The following EBF2 variants were observed in gnomAD, a reference collection of about 807,000 sequenced individuals.
EBF2 encodes transcription factor COE2.
In EBF2, 21 loss-of-function variants were observed where a neutral mutation model predicts 72.8. The observed-to-expected ratio is 0.29, with a 90% CI of 0.20 to 0.42. EBF2 has a LOEUF of 0.42. Among genes scored for constraint, EBF2 ranks in the 10% least tolerant of loss-of-function variants. The pLI is 1.00. For synonymous variants in EBF2, 299 were observed against 274.2 expected, an observed-to-expected ratio of 1.09 and a Z score of -0.89; for missense variants, 637 against 731.2, an observed-to-expected ratio of 0.87 and a Z score of 1.49.
chr8:25,934,841 G>A (rs1803547900), intron 6 of EBF2, among the ~76,000 whole-genome samples: 2 of 152,226 alleles, frequency 1.3e-5, no homozygotes, highest in African/African-American at 4.8e-5. Context: ...ATCCTACGGC[G>A]CCATTGCCAA....
At chr8:25,999,695 A>C (rs1804691979) in intron 6 of EBF2, among the ~76,000 whole-genome samples, 1 of 144,298 alleles carries the variant, frequency 6.9e-6, no homozygotes, top group Non-Finnish European at 1.5e-5. Flanking sequence ...ATATCCACAC[A>C]CGCCCTCTCC....
chr8:25,959,941 G>T (rs17054690), intron 6 of EBF2, among the ~76,000 whole-genome samples: 28,930 of 152,112 alleles, frequency 0.19, 3,848 homozygotes, highest in East Asian at 0.76. Flanking sequence ...CAGCTCAGGG[G>T]CATATCCAAG....
intron 6 of EBF2, among the ~76,000 whole-genome samples, chr8:25,966,437 ACC>A (rs1457599474): frequency 6.6e-6 from 1 of 152,204 alleles, no homozygotes; most frequent in Non-Finnish European, 1.5e-5. Flanking sequence ...TCCGGACTCT[ACC>A]CTCATCCACA....
At position 25,861,447 on chromosome 8, in the gene EBF2, A is replaced by G; in HGVS notation, c.1099-73T>C. ...TGGCAAACAAAAGAAAATTATAGGC[A>G]AAAATGAGAAATCCACACATCCCTC... On this transcript the variant is annotated intron_variant, in intron 11 of 15. Coordinates refer to ENST00000520164, the MANE Select transcript of EBF2 (RefSeq NM_022659.4). 5 of 1,551,604 alleles carry G rather than the reference A, an allele frequency of 3.2e-6. No homozygotes were observed. The South Asian group carries it at 5.7e-5, about 18-fold the overall frequency.
At chr8:26,010,840 C>T (rs1804969575) in intron 6 of EBF2, among the ~76,000 whole-genome samples, 1 of 152,118 alleles carries the variant, frequency 6.6e-6, no homozygotes, top group Non-Finnish European at 1.5e-5. Flanking sequence ...CCTTCATCAC[C>T]GAGCGTTCCA....
At chr8:25,993,044 C>T (rs547859601) in intron 6 of EBF2, among the ~76,000 whole-genome samples, 1 of 152,180 alleles carries the variant, frequency 6.6e-6, no homozygotes, top group Admixed American at 6.5e-5. Flanking sequence ...CCTTCAGTGA[C>T]ATAATAATTC....
At chr8:26,005,752 G>A (rs1804869686) in intron 6 of EBF2, among the ~76,000 whole-genome samples, 1 of 147,734 alleles carries the variant, frequency 6.8e-6, no homozygotes, top group Non-Finnish European at 1.5e-5. Context: ...GATCACTTGA[G>A]CCTGGGAGGT....
intron 6 of EBF2, among the ~76,000 whole-genome samples, chr8:25,918,677 C>T (rs548815021): frequency 6.6e-6 from 1 of 151,868 alleles, no homozygotes; most frequent in Admixed American, 6.6e-5. Context: ...TGTTTGATGT[C>T]GCATACAAAC....
intron 6 of EBF2, among the ~76,000 whole-genome samples, chr8:25,935,965 G>T (rs1176852406): frequency 6.6e-6 from 1 of 152,226 alleles, no homozygotes; most frequent in Non-Finnish European, 1.5e-5. Context: ...AGTCCGCTCG[G>T]CTGTGGAAGG....
chr8:25,997,047 A>C (rs925291407), intron 6 of EBF2, among the ~76,000 whole-genome samples: 7 of 152,178 alleles, frequency 4.6e-5, no homozygotes, highest in African/African-American at 1.4e-4. Context: ...TATGAGCAAA[A>C]AAACAAAAAG....
intron 11 of EBF2, among the ~76,000 whole-genome samples, chr8:25,862,263 A>G (rs144645687): frequency 6.6e-6 from 1 of 150,754 alleles, no homozygotes; most frequent in Non-Finnish European, 1.5e-5. Flanking sequence ...AAAGTGATGT[A>G]TTTCATAGAA....
At chr8:25,918,712 A>G (rs117706770) in intron 6 of EBF2, among the ~76,000 whole-genome samples, 1 of 152,232 alleles carries the variant, frequency 6.6e-6, no homozygotes, top group Admixed American at 6.5e-5. Flanking sequence ...AAGATACAGA[A>G]GTCAGTATTG....
At chr8:25,969,849 C>A (rs1286587332) in intron 6 of EBF2, among the ~76,000 whole-genome samples, 1 of 152,166 alleles carries the variant, frequency 6.6e-6, no homozygotes, top group Non-Finnish European at 1.5e-5. Flanking sequence ...AGACTACAGG[C>A]ACATGCCACC....
chr8:25,882,089 T>C (rs1229106633), intron 10 of EBF2, among the ~76,000 whole-genome samples: 3 of 152,140 alleles, frequency 2.0e-5, no homozygotes, highest in Admixed American at 1.3e-4. Flanking sequence ...AGGGGTCTAA[T>C]TGAGCTGAGT....
chr8:26,038,514 A>G (rs957643184), intron 5 of EBF2, among the ~76,000 whole-genome samples: 1 of 152,194 alleles, frequency 6.6e-6, no homozygotes, highest in Non-Finnish European at 1.5e-5. Context: ...CAATGGATCA[A>G]TTTTTTGTTT....
rs1305775471 is a variant in EBF2, at chr8:26,044,017, C to T, written c.131+712G>A. 6.6e-6 allele frequency among the ~76,000 whole-genome samples: 1 copy of T among 152,224 alleles called. No homozygotes were observed. Among genetic ancestry groups the T allele is most frequent in the Non-Finnish European group, 1.5e-5 (1 of 68,044 alleles). On this transcript the variant is annotated intron_variant, in intron 1 of 15. Transcript: ENST00000520164. The surrounding 1 kb of genome is among the most constrained non-coding windows in gnomAD (Gnocchi z 4.1). ...CTGAGCCAGTCTAGCTGCTGGTGGC[C>T]TTTTCTCGCCTCTTTCTTCTTCCGC...
intron 6 of EBF2, among the ~76,000 whole-genome samples, chr8:26,024,186 T>C (rs1230620078): frequency 6.6e-6 from 1 of 152,138 alleles, no homozygotes; most frequent in Non-Finnish European, 1.5e-5. Flanking sequence ...TAGAAGGCCA[T>C]TCTGCCCCAA....
In EBF2 at chr8:26,039,840, A is replaced by G. The variant is rs3812413; in HGVS notation, c.482+188T>C. 1.6e-4 allele frequency among the ~76,000 whole-genome samples: 24 copies of G among 152,212 alleles called. No individual in the cohort carries two copies. The East Asian group carries it at 3.9e-3, about 25-fold the overall frequency. On this transcript the variant is annotated intron_variant, in intron 5 of 15. Transcript: ENST00000520164. ...GAATCCCGAGTCGTTCTGAGTCCCA[A>G]TGGTTATGCTTTAAGACACTTGCAT...
In EBF2 at chr8:25,974,011, G is replaced by C. The variant is rs189113970; in HGVS notation, c.551+59074C>G. 4.8e-3 allele frequency among the ~76,000 whole-genome samples: 738 copies of C among 152,272 alleles called. 5 individuals are homozygous for C. The highest frequency in any genetic ancestry group is 0.017 in the African/African-American group (704 of 41,542). ...TCATTTCTATTAGAAAACCTATAGGGCTTTCTGCTCATTTCCAGAAAATGT... is the reference window on the plus strand; with the variant it reads ...TCATTTCTATTAGAAAACCTATAGGCCTTTCTGCTCATTTCCAGAAAATGT... On this transcript the variant is annotated intron_variant, in intron 6 of 15. Coordinates refer to ENST00000520164, the MANE Select transcript of EBF2 (RefSeq NM_022659.4).
Sources: gnomAD v4.1 joint callset for allele counts (sites outside exome capture counted in the v4.1 genomes callset) on GRCh38, gnomAD v4.1.1 for gene constraint, Gnocchi (gnomAD v3.1) non-coding constraint, MANE v1.5 for transcripts, NCBI Gene and HGNC (gene_info 2026-07-23, HGNC 2026-07-21) for gene names.